Variants in KLHL29 observed in about 807,000 individuals in gnomAD.
KLHL29 encodes kelch like family member 29, also known as kelch-like protein 29.
A neutral mutation model predicts 80.4 loss-of-function variants in KLHL29; 21 were observed. The ratio of observed to expected loss-of-function variants is 0.26; its 90% CI spans 0.19 to 0.38. The LOEUF is 0.38. KLHL29 is among the 10% of genes least tolerant of loss of function. The pLI is 1.00. For missense variants in KLHL29, 867 were observed against 1,223.9 expected, an observed-to-expected ratio of 0.71 and a Z score of 4.35; for synonymous variants, 511 against 526.8, an observed-to-expected ratio of 0.97 and a Z score of 0.41.
intron 13 of KLHL29, among the ~76,000 whole-genome samples, chr2:23,706,266 C>G (rs7603375): frequency 4.6e-5 from 7 of 152,148 alleles, no homozygotes; most frequent in Non-Finnish European, 1.0e-4. Context: ...TTCTGCCGCT[C>G]GCAGGGTGGC....
chr2:23,486,622 A>T (rs1233800645), intron 2 of KLHL29, among the ~76,000 whole-genome samples: 1 of 152,180 alleles, frequency 6.6e-6, no homozygotes, highest in Non-Finnish European at 1.5e-5. Flanking sequence ...TTATGAAGTC[A>T]TTTTCTGGTA....
intron 2 of KLHL29, among the ~76,000 whole-genome samples, chr2:23,508,731 G>A (rs945096679): frequency 6.6e-6 from 1 of 152,212 alleles, no homozygotes; most frequent in African/African-American, 2.4e-5. Context: ...TCCTGAGGTG[G>A]GACCCCACAC....
chr2:23,628,799 C>T (rs191258630), intron 3 of KLHL29, among the ~76,000 whole-genome samples: 5 of 152,102 alleles, frequency 3.3e-5, no homozygotes, highest in Non-Finnish European at 5.9e-5. Context: ...AGCTTCACTA[C>T]GGATTTCAAA....
rs758382685 is a variant in KLHL29 at position 23,684,342 on chromosome 2, A to T, written c.941-57A>T. The T allele has an allele frequency of 2.3e-4, 118 of 518,756 alleles. No individual in the cohort carries two copies. Among genetic ancestry groups the T allele is most frequent in the South Asian group, 2.0e-3 (31 of 15,870 alleles). 32.1% of individuals were successfully genotyped at this position (518,756 alleles called of 1,614,324 possible). On this transcript the variant is annotated intron_variant, in intron 5 of 13. Transcript: ENST00000486442. The surrounding 1 kb of genome is among the most constrained non-coding windows in gnomAD (Gnocchi z 4.4). Reference sequence around the variant, plus strand: ...AAAAGAAAAAAAACTTTTTTTAATTAAAAAAAAAAAAACTCTTAATGGGAA... The same window carrying T: ...AAAAGAAAAAAAACTTTTTTTAATTTAAAAAAAAAAAACTCTTAATGGGAA...
intron 3 of KLHL29, among the ~76,000 whole-genome samples, chr2:23,628,652 A>G (rs1318904076): frequency 6.6e-6 from 1 of 152,208 alleles, no homozygotes; most frequent in Non-Finnish European, 1.5e-5. Context: ...ACCCTGTATC[A>G]AAAATAGTAA....
intron 3 of KLHL29, among the ~76,000 whole-genome samples, chr2:23,613,932 C>T (rs1444139720): frequency 2.0e-5 from 3 of 152,032 alleles, no homozygotes; most frequent in Admixed American, 1.3e-4. Flanking sequence ...AACCTGCCTC[C>T]CATTCTATCC....
chr2:23,662,261 C>T (rs1387476387), intron 5 of KLHL29, among the ~76,000 whole-genome samples: 1 of 152,192 alleles, frequency 6.6e-6, no homozygotes, highest in Non-Finnish European at 1.5e-5. Flanking sequence ...CCTCTCACAT[C>T]GTCTCGTCTA....
At chr2:23,539,512 G>A (rs1237840629) in intron 2 of KLHL29, among the ~76,000 whole-genome samples, 1 of 139,266 alleles carries the variant, frequency 7.2e-6, no homozygotes, top group African/African-American at 2.7e-5. Context: ...TGTGATCTTG[G>A]CTCACTGTAA....
chr2:23,419,045 G>C (rs574866238), intron 1 of KLHL29, among the ~76,000 whole-genome samples: 1 of 152,072 alleles, frequency 6.6e-6, no homozygotes, highest in African/African-American at 2.4e-5. Context: ...CCCGTCACAC[G>C]CCCCATTGGT....
chr2:23,407,299 C>T (rs1159759314), intron 1 of KLHL29, among the ~76,000 whole-genome samples: 1 of 151,708 alleles, frequency 6.6e-6, no homozygotes, highest in African/African-American at 2.4e-5. Flanking sequence ...CTCACTTTAC[C>T]CTATTCTATC....
chr2:23,699,885 T>C (rs1672259197), intron 11 of KLHL29, among the ~76,000 whole-genome samples: 1 of 152,172 alleles, frequency 6.6e-6, no homozygotes, highest in Non-Finnish European at 1.5e-5. Context: ...ACCTCTCTCT[T>C]CAGAGATCTG....
intron 3 of KLHL29, among the ~76,000 whole-genome samples, chr2:23,599,175 G>A (rs535125724): frequency 2.0e-5 from 3 of 152,172 alleles, no homozygotes; most frequent in East Asian, 1.9e-4. Context: ...TGAAGCCTGC[G>A]GCAAGGACTC....
chr2:23,691,960 G>A (rs2149205011), intron 7 of KLHL29, 84 bp downstream of exon 7: 1 of 1,391,324 alleles, frequency 7.2e-7, no homozygotes, highest in South Asian at 1.3e-5. Context: ...ACTGAGCGGG[G>A]AGGTCTGTGT....
At chr2:23,610,101 T>C (rs957445992) in intron 3 of KLHL29, among the ~76,000 whole-genome samples, 1 of 152,036 alleles carries the variant, frequency 6.6e-6, no homozygotes, top group Non-Finnish European at 1.5e-5. Context: ...TGGCTGGCCA[T>C]CTCCCCCACC....
intron 5 of KLHL29, among the ~76,000 whole-genome samples, chr2:23,657,602 A>C (rs1670281892): frequency 6.6e-6 from 1 of 152,236 alleles, no homozygotes; most frequent in African/African-American, 2.4e-5. Context: ...TCTGAATGGA[A>C]GGAAGATTAA....
rs553157095 is a variant in KLHL29, at chr2:23,556,379, C to T, written c.-45-5773C>T. Among the ~76,000 whole-genome samples the T allele has an allele frequency of 2.0e-5, 3 of 152,214 alleles. No homozygotes were observed. In the South Asian group the frequency reaches 6.2e-4, roughly 32 times the overall value. On this transcript the variant is annotated intron_variant, in intron 2 of 13. Transcript: ENST00000486442. ...GGAGGCCAGGCATGGTGGCTCACAC[C>T]TGTAATCCCAGCACTTTGAGAGGCC...
chr2:23,512,718 T>C (rs973435951), intron 2 of KLHL29, among the ~76,000 whole-genome samples: 5 of 152,264 alleles, frequency 3.3e-5, no homozygotes, highest in Admixed American at 6.5e-5. Context: ...TTCTGCTCTC[T>C]GCTCCAAGCT....
intron 3 of KLHL29, among the ~76,000 whole-genome samples, chr2:23,565,786 C>A (rs547339217): frequency 2.4e-4 from 36 of 152,332 alleles, no homozygotes; most frequent in Admixed American, 1.8e-3. Context: ...GGTGAAGGGT[C>A]TAGAGCCACA....
chr2:23,467,823 C>G (rs549529755), intron 1 of KLHL29, among the ~76,000 whole-genome samples: 51 of 152,210 alleles, frequency 3.4e-4, no homozygotes, highest in African/African-American at 1.2e-3. Context: ...GGTCGCTGAC[C>G]AGTGTGAAAC....
Sources: allele counts gnomAD v4.1 joint callset (sites outside exome capture counted in the v4.1 genomes callset), GRCh38; gene constraint gnomAD v4.1.1; non-coding constraint Gnocchi (gnomAD v3.1); transcripts MANE v1.5; gene names NCBI Gene and HGNC (gene_info 2026-07-23, HGNC 2026-07-21).